RPA3: variants seen among roughly 807,000 people sequenced by gnomAD.
RPA3 encodes the protein replication protein A 14 kDa subunit.
A neutral mutation model predicts 13.7 loss-of-function variants in RPA3; 24 were observed. The ratio of observed to expected loss-of-function variants is 1.75; its 90% CI spans 1.27 to 2.46. The LOEUF (loss-of-function observed/expected upper bound fraction) is 2.46, where lower values mean the gene tolerates loss of function less well. Ranked by LOEUF, RPA3 falls within the 30% of genes most tolerant of loss-of-function variation. The pLI is 0.00. For missense variants in RPA3, 183 were observed against 151.0 expected, an observed-to-expected ratio of 1.21 and a Z score of -1.11; for synonymous variants, 59 against 51.2, an observed-to-expected ratio of 1.15 and a Z score of -0.65.
At chr7:7,688,148 A>C (rs28912726) in intron 2 of RPA3, among the ~76,000 whole-genome samples, 452 of 152,232 alleles carry the variant, frequency 3.0e-3, no homozygotes, top group African/African-American at 0.01. Flanking sequence ...TTTTGGGGGG[A>C]GAACATTCCC....
At chr7:7,658,739 C>T (rs562416448) in intron 4 of RPA3, among the ~76,000 whole-genome samples, 72 of 152,202 alleles carry the variant, frequency 4.7e-4, no homozygotes, top group East Asian at 7.7e-4. Flanking sequence ...ATTTTTGCAT[C>T]GATATTCATC....
chr7:7,714,082 G>T (rs1338488114), intron 2 of RPA3, among the ~76,000 whole-genome samples: 3 of 152,162 alleles, frequency 2.0e-5, no homozygotes, highest in Non-Finnish European at 2.9e-5. Context: ...TTTTTTGTGT[G>T]TTATCTTTTT....
chr7:7,713,469 T>TC (rs957168249), intron 2 of RPA3, among the ~76,000 whole-genome samples: 5 of 150,982 alleles, frequency 3.3e-5, no homozygotes, highest in Middle Eastern at 3.4e-3. Flanking sequence ...GTTCTGCTCC[T>TC]CCCCCCCATG....
chr7:7,691,900 C>T (rs1417960525), intron 2 of RPA3, among the ~76,000 whole-genome samples: 3 of 152,118 alleles, frequency 2.0e-5, no homozygotes, highest in Non-Finnish European at 4.4e-5. Context: ...TCAGTTTAGC[C>T]TTGACTAATC....
At chr7:7,701,285 T>A (rs911479101) in intron 2 of RPA3, among the ~76,000 whole-genome samples, 4 of 152,186 alleles carry the variant, frequency 2.6e-5, no homozygotes, top group Non-Finnish European at 5.9e-5. Context: ...AATTTGTGGC[T>A]GAGAAAGTTA....
intron 2 of RPA3, among the ~76,000 whole-genome samples, chr7:7,704,766 C>CAA (rs71011001): frequency 0.043 from 760 of 17,816 alleles, 189 homozygotes; most frequent in African/African-American, 0.13. Context: ...GACTCCATCT[C>CAA]AAAAAAAAAA....
intron 7 of RPA3, 152 bp downstream of exon 7, chr7:7,637,712 G>T (rs1359445471): frequency 4.5e-6 from 2 of 448,442 alleles, no homozygotes; most frequent in African/African-American, 4.0e-5. Flanking sequence ...AAAACTGTAT[G>T]TTATGTAATT....
At chr7:7,672,336 GA>G (rs1451764477) in intron 4 of RPA3, among the ~76,000 whole-genome samples, 3 of 152,150 alleles carry the variant, frequency 2.0e-5, no homozygotes, top group Non-Finnish European at 2.9e-5. Context: ...GGAATAGTAG[GA>G]AAAGAGGGTT....
At chr7:7,672,020 CCTT>C (rs1779618237) in intron 4 of RPA3, among the ~76,000 whole-genome samples, 1 of 152,132 alleles carries the variant, frequency 6.6e-6, no homozygotes, top group Non-Finnish European at 1.5e-5. Context: ...GGGTTCATAT[CCTT>C]CTCTGATCTA....
intron 4 of RPA3, among the ~76,000 whole-genome samples, chr7:7,685,524 GTCTCC>G (rs1193389367): frequency 2.0e-5 from 3 of 152,012 alleles, no homozygotes; most frequent in African/African-American, 7.3e-5. Context: ...GGCCAGGATG[GTCTCC>G]ATATCCTGAC....
At chr7:7,688,938 C>T (rs1186943464) in intron 2 of RPA3, among the ~76,000 whole-genome samples, 1 of 152,112 alleles carries the variant, frequency 6.6e-6, no homozygotes, top group African/African-American at 2.4e-5. Flanking sequence ...GTTAACTTAT[C>T]TATTACTTGG....
intron 2 of RPA3, among the ~76,000 whole-genome samples, chr7:7,694,993 C>T (rs1780273984): frequency 6.6e-6 from 1 of 152,212 alleles, no homozygotes; most frequent in South Asian, 2.1e-4. Flanking sequence ...TACTAATTTA[C>T]ATTCCCACCA....
At chr7:7,678,882 C>T (rs374413514) in intron 4 of RPA3, among the ~76,000 whole-genome samples, 103 of 4,846 alleles carry the variant, frequency 0.021, 37 homozygotes, top group African/African-American at 0.1. Context: ...AGTTTATAAA[C>T]ATATATTTAT....
intron 6 of RPA3, 92 bp downstream of exon 6, chr7:7,638,978 C>T: frequency 1.0e-6 from 1 of 958,786 alleles, no homozygotes; most frequent in Admixed American, 3.0e-5. Flanking sequence ...CTTTTTAAAT[C>T]CATTGCAAAA....
At chr7:7,663,571 A>C (rs1250160641) in intron 4 of RPA3, among the ~76,000 whole-genome samples, 1 of 152,144 alleles carries the variant, frequency 6.6e-6, no homozygotes, top group Admixed American at 6.5e-5. Context: ...CTAAAGGATA[A>C]ATTTTAAAAG....
chr7:7,716,167 G>A (rs775640809), intron 1 of RPA3, among the ~76,000 whole-genome samples: 83 of 152,210 alleles, frequency 5.5e-4, no homozygotes, highest in Admixed American at 8.5e-4. Context: ...CAATCCAGCT[G>A]CAAAAATTAC....
intron 4 of RPA3, among the ~76,000 whole-genome samples, chr7:7,678,419 T>G (rs1252729919): frequency 2.8e-5 from 4 of 144,436 alleles, no homozygotes; most frequent in African/African-American, 1.0e-4. Flanking sequence ...TAAAAAAATA[T>G]ATTTATATAT....
intron 4 of RPA3, among the ~76,000 whole-genome samples, chr7:7,684,513 C>T (rs1185525536): frequency 6.6e-6 from 1 of 152,050 alleles, no homozygotes; most frequent in African/African-American, 2.4e-5. Flanking sequence ...TTGGCAACCA[C>T]AAGCAATTTT....
chr7:7,641,588 G>C (rs1263592679), intron 4 of RPA3: 1 of 152,240 alleles, frequency 6.6e-6, no homozygotes, highest in African/African-American at 2.4e-5. Context: ...GAAGATAACC[G>C]ATTCCTGGGA....
Sources: allele counts gnomAD v4.1 joint callset (sites outside exome capture counted in the v4.1 genomes callset), GRCh38; gene constraint gnomAD v4.1.1; transcripts MANE v1.5; gene names NCBI Gene and HGNC (gene_info 2026-07-23, HGNC 2026-07-21).